The following TSC22D1 variants were observed in gnomAD, a reference collection of about 807,000 sequenced individuals.
The protein encoded by TSC22D1 is TSC22 domain family protein 1.
A neutral mutation model predicts 74.2 loss-of-function variants in TSC22D1; 9 were observed. The observed-to-expected ratio is 0.12, with a 90% CI of 0.07 to 0.21. TSC22D1 has a LOEUF of 0.21. TSC22D1 is among the 10% of genes least tolerant of loss of function. The probability of loss-of-function intolerance (pLI) is 1.00; values close to 1 mark genes in which losing one functional copy is unlikely to be tolerated. For missense variants in TSC22D1, 1,427 were observed against 1,304.7 expected (o/e 1.09, Z -1.44); for synonymous variants, 586 against 492.5 (o/e 1.19, Z -2.51).
chr13:44,479,205 G>A (rs569186862), intron 1 of TSC22D1, among the ~76,000 whole-genome samples: 5 of 152,160 alleles, frequency 3.3e-5, no homozygotes, highest in African/African-American at 1.2e-4. Flanking sequence ...CTAGAAACTT[G>A]AAGAATGAAA....
At chr13:44,461,446 C>T (rs1402573496) in intron 1 of TSC22D1, among the ~76,000 whole-genome samples, 2 of 151,844 alleles carry the variant, frequency 1.3e-5, no homozygotes, top group South Asian at 2.1e-4. Flanking sequence ...ATGGCAGGTA[C>T]CAGGAAAGCA....
At chr13:44,530,177 T>C (rs572755284) in intron 1 of TSC22D1, among the ~76,000 whole-genome samples, 1 of 152,232 alleles carries the variant, frequency 6.6e-6, no homozygotes, top group South Asian at 2.1e-4. Flanking sequence ...AAAGCTTCAG[T>C]ATTCAACACA....
intron 1 of TSC22D1, among the ~76,000 whole-genome samples, chr13:44,487,521 A>G (rs796692523): frequency 0.011 from 1,625 of 147,876 alleles, 26 homozygotes; most frequent in African/African-American, 0.035. Flanking sequence ...AAAAAAAAAA[A>G]AAAAAAGAAA....
chr13:44,441,692 T>C (rs979316290), intron 1 of TSC22D1, among the ~76,000 whole-genome samples: 4 of 152,138 alleles, frequency 2.6e-5, no homozygotes, highest in African/African-American at 9.7e-5. Flanking sequence ...AGTGGATAAG[T>C]GAAAAAAGAG....
intron 1 of TSC22D1, among the ~76,000 whole-genome samples, chr13:44,507,868 G>T (rs1032362587): frequency 1.3e-5 from 2 of 152,156 alleles, no homozygotes; most frequent in African/African-American, 2.4e-5. Flanking sequence ...CACAGGGGAA[G>T]ATATAAGGCA....
At chr13:44,537,399 G>A (rs1312493167) in intron 1 of TSC22D1, 3 of 984,912 alleles carry the variant, frequency 3.0e-6, no homozygotes, top group African/African-American at 1.7e-5. Context: ...CATATTTTAA[G>A]GAACAGAGCT....
Position 44,447,569 on chromosome 13 carries a change from AGT to A in TSC22D1, c.2913-11476_2913-11475del, listed in dbSNP as rs1875783483. Among the ~76,000 whole-genome samples the A allele has an allele frequency of 2.0e-5, 3 of 152,104 alleles. No homozygotes were observed. In the South Asian group the frequency reaches 6.2e-4, roughly 32 times the overall value. Reference sequence around the variant, plus strand: ...TTGTAAAAATTAAATACTTGCTTTAAGTGTGAGAATTTTAAAAGTCTTAAAAT... The same window carrying A: ...TTGTAAAAATTAAATACTTGCTTTAAGTGAGAATTTTAAAAGTCTTAAAAT... On this transcript the variant is annotated intron_variant, in intron 1 of 2. Coordinates refer to ENST00000458659, the MANE Select transcript of TSC22D1 (RefSeq NM_183422.4).
intron 1 of TSC22D1, among the ~76,000 whole-genome samples, chr13:44,517,840 TATATATATATATATATA>T (rs1188772913): frequency 2.7e-4 from 6 of 22,098 alleles, no homozygotes; most frequent in Non-Finnish European, 9.0e-4. Context: ...TATATATATA[TATATATATATATATATA>T]TTTTTTTTTT....
chr13:44,516,754 A>G (rs1313407678), intron 1 of TSC22D1, among the ~76,000 whole-genome samples: 1 of 152,230 alleles, frequency 6.6e-6, no homozygotes, highest in East Asian at 1.9e-4. Flanking sequence ...CAAAGGCAGG[A>G]TTTTTAAAAG....
chr13:44,512,956 C>T (rs115024292), intron 1 of TSC22D1, among the ~76,000 whole-genome samples: 2,331 of 152,284 alleles, frequency 0.015, 60 homozygotes, highest in African/African-American at 0.053. Flanking sequence ...CCTCTTCATT[C>T]TTATCTCTAA....
chr13:44,539,265 T>C (rs1449552030), intron 1 of TSC22D1: 1 of 985,366 alleles, frequency 1.0e-6, no homozygotes, highest in Non-Finnish European at 1.2e-6. Flanking sequence ...ACCATAATAG[T>C]ACTATCATTG....
At position 44,573,392 on chromosome 13, in the gene TSC22D1, T is replaced by C. The variant is rs1359465642; in HGVS notation, c.2683A>G (p.Thr895Ala). ...PLAQQIPLSSTQFSAQSLAQA... is the reference protein window; with the variant it reads ...PLAQQIPLSSAQFSAQSLAQA... ...GCTAATGATTGTGCGGAGAACTGGG[T>C]AGAACTTAGTGGTATCTGTTGTGCC... The change falls in exon 1 of 3, where the codon ACC (threonine) becomes GCC (alanine). Residue 895 changes from threonine (T) to alanine (A), a missense_variant. Transcript: ENST00000458659. 5 of 1,614,232 alleles carry C rather than the reference T, an allele frequency of 3.1e-6. No individual in the cohort carries two copies. The highest frequency in any genetic ancestry group is 3.3e-5 in the Admixed American group (2 of 60,024).
chr13:44,560,318 G>A (rs1366869813), intron 1 of TSC22D1, among the ~76,000 whole-genome samples: 1 of 152,026 alleles, frequency 6.6e-6, no homozygotes, highest in African/African-American at 2.4e-5. Context: ...GAAAAATTGG[G>A]GGGGGATCTT....
At chr13:44,483,539 A>G (rs1018413860) in intron 1 of TSC22D1, among the ~76,000 whole-genome samples, 1 of 152,116 alleles carries the variant, frequency 6.6e-6, no homozygotes, top group Non-Finnish European at 1.5e-5. Context: ...CGGGCGTGGT[A>G]GCAGGCGCCT....
intron 1 of TSC22D1, among the ~76,000 whole-genome samples, chr13:44,474,709 G>A (rs1228257448): frequency 1.3e-5 from 2 of 151,948 alleles, no homozygotes; most frequent in Non-Finnish European, 2.9e-5. Context: ...AGAATGGAGG[G>A]AAGAAGGAGG....
At chr13:44,444,209 G>A (rs1875426809) in intron 1 of TSC22D1, among the ~76,000 whole-genome samples, 1 of 139,624 alleles carries the variant, frequency 7.2e-6, no homozygotes, top group Non-Finnish European at 1.5e-5. Context: ...AACCTGGGAG[G>A]CAGAGGCTGC....
rs79871877 is a variant in TSC22D1, at chr13:44,536,001, A to C, written c.2912+37162T>G. On this transcript the variant is annotated intron_variant, in intron 1 of 2. Transcript: ENST00000458659. ...CAAATAAAATACAGCCTTTCATTGA[A>C]ATATACTGTGTCTGTAAACCTTTTA... Among the ~76,000 whole-genome samples the C allele has an allele frequency of 1.4e-3, 215 of 152,054 alleles. 2 individuals are homozygous for C. In the East Asian group the frequency reaches 0.037, roughly 26 times the overall value.
chr13:44,482,796 T>G (rs1467093887), intron 1 of TSC22D1, among the ~76,000 whole-genome samples: 1 of 152,222 alleles, frequency 6.6e-6, no homozygotes, highest in African/African-American at 2.4e-5. Context: ...ATATAGTTAT[T>G]GAAACATTAT....
chr13:44,446,132 GAT>G (rs1324272026), intron 1 of TSC22D1, among the ~76,000 whole-genome samples: 3 of 152,180 alleles, frequency 2.0e-5, no homozygotes, highest in African/African-American at 7.2e-5. Flanking sequence ...CTGGAGAAAA[GAT>G]AAACAAACCA....
Sources: gnomAD v4.1 joint callset for allele counts (sites outside exome capture counted in the v4.1 genomes callset) on GRCh38, gnomAD v4.1.1 for gene constraint, MANE v1.5 for transcripts, NCBI Gene and HGNC (gene_info 2026-07-23, HGNC 2026-07-21) for gene names.